THSD4: variants seen among roughly 807,000 people sequenced by gnomAD.
THSD4 encodes thrombospondin type-1 domain-containing protein 4.
THSD4 carries 69 observed loss-of-function variants against 119.0 expected under a neutral mutation model. The observed-to-expected ratio is 0.58, with a 90% CI of 0.48 to 0.71. The LOEUF is 0.71. THSD4 is among the 30% of genes least tolerant of loss of function. The pLI, the probability that THSD4 is intolerant of heterozygous loss-of-function variation, is 0.00. For synonymous variants in THSD4, 524 were observed against 540.4 expected (o/e 0.97, Z 0.42); for missense variants, 1,393 against 1,391.1 (o/e 1.00, Z -0.02).
At chr15:71,373,334 T>G (rs970807225) in intron 6 of THSD4, among the ~76,000 whole-genome samples, 3 of 152,188 alleles carry the variant, frequency 2.0e-5, no homozygotes, top group Non-Finnish European at 4.4e-5. Context: ...ACAGGCAGTT[T>G]TAGTGGCTGT....
intron 3 of THSD4, among the ~76,000 whole-genome samples, chr15:71,209,173 G>A (rs959764427): frequency 1.3e-5 from 2 of 152,188 alleles, no homozygotes; most frequent in Admixed American, 6.5e-5. Context: ...CTTCTGAATG[G>A]TAGTGTACAT....
At chr15:71,309,114 T>C (rs1176995070) in intron 6 of THSD4, among the ~76,000 whole-genome samples, 1 of 152,202 alleles carries the variant, frequency 6.6e-6, no homozygotes, top group Non-Finnish European at 1.5e-5. Flanking sequence ...CATACCCAGC[T>C]AATTTTTTGT....
chr15:71,460,664 TCTTC>T (rs1396485214), intron 7 of THSD4, among the ~76,000 whole-genome samples: 1 of 152,206 alleles, frequency 6.6e-6, no homozygotes, highest in Non-Finnish European at 1.5e-5. Context: ...GGTAGCTGTC[TCTTC>T]AGTGAAAATA....
At chr15:71,109,772 G>C (rs540328973) in intron 1 of THSD4, among the ~76,000 whole-genome samples, 1 of 151,900 alleles carries the variant, frequency 6.6e-6, no homozygotes, top group African/African-American at 2.4e-5. Context: ...GAACACTCTG[G>C]CAGCACTGTC....
At chr15:71,750,635 C>T (rs1461168818) in intron 14 of THSD4, among the ~76,000 whole-genome samples, 1 of 152,198 alleles carries the variant, frequency 6.6e-6, no homozygotes. Context: ...GATGGACAGC[C>T]CTTGGTGCAA....
rs141409686 is a variant in THSD4 at position 71,449,967 on chromosome 15, A to T, written c.1152+38144A>T. ...AGTAGGAAAAGAAACTACTTCCCAT[A>T]TTAAGGTCCTATGACAATGCAAAGA... is the stretch of plus-strand genomic sequence containing the variant. On this transcript the variant is annotated intron_variant, in intron 7 of 17. Coordinates refer to ENST00000261862, the MANE Select transcript of THSD4 (RefSeq NM_024817.3). 7.6e-3 allele frequency among the ~76,000 whole-genome samples: 1,162 copies of T among 152,338 alleles called. 13 individuals carry two copies. Among genetic ancestry groups the T allele is most frequent in the Non-Finnish European group, 0.012 (820 of 68,034 alleles).
At chr15:71,377,115 G>C (rs542482756) in intron 6 of THSD4, among the ~76,000 whole-genome samples, 1 of 152,338 alleles carries the variant, frequency 6.6e-6, no homozygotes, top group African/African-American at 2.4e-5. Context: ...TCCCAGGAGG[G>C]AATCAATGTG....
chr15:71,463,155 C>T lies in THSD4; in HGVS notation c.1152+51332C>T, dbSNP rs570154418. ...CATTCACCTCCATCCAATTCCTTCT[C>T]GCTGGTCCAGCTCATTTTTCCAGCC... On this transcript the variant is annotated intron_variant, in intron 7 of 17. Transcript: ENST00000261862. Among the ~76,000 whole-genome samples the T allele has an allele frequency of 2.6e-5, 4 of 152,284 alleles. No individual in the cohort carries two copies. In the East Asian group the frequency reaches 5.8e-4, roughly 22 times the overall value.
chr15:71,643,255 T>C (rs2050900997), intron 7 of THSD4, among the ~76,000 whole-genome samples: 1 of 152,174 alleles, frequency 6.6e-6, no homozygotes, highest in Non-Finnish European at 1.5e-5. Flanking sequence ...TCCCAACACA[T>C]AAAACAAATT....
intron 3 of THSD4, among the ~76,000 whole-genome samples, chr15:71,190,235 A>G (rs556891716): frequency 6.6e-6 from 1 of 152,332 alleles, no homozygotes; most frequent in Non-Finnish European, 1.5e-5. Flanking sequence ...TAAGCTAGAC[A>G]TTCTAACCGA....
intron 1 of THSD4, among the ~76,000 whole-genome samples, chr15:71,102,013 G>A (rs147982564): frequency 1.4e-3 from 214 of 152,074 alleles, no homozygotes; most frequent in African/African-American, 4.7e-3. Context: ...GTGGAGGGCC[G>A]ATAATTCTTT....
intron 2 of THSD4, 53 bp from the exon 3 acceptor site, chr15:71,154,810 C>T (rs1651088023): frequency 6.3e-7 from 1 of 1,577,380 alleles, no homozygotes; most frequent in Non-Finnish European, 8.7e-7. Context: ...TCCCTGGGTG[C>T]TGCTGCCTGG....
intron 6 of THSD4, among the ~76,000 whole-genome samples, chr15:71,377,772 A>T (rs925527908): frequency 2.0e-5 from 3 of 151,872 alleles, no homozygotes; most frequent in Admixed American, 6.6e-5. Flanking sequence ...TGGGCCTGAG[A>T]ACTTTGTGAT....
At chr15:71,491,395 C>G (rs76472501) in intron 7 of THSD4, among the ~76,000 whole-genome samples, 6,390 of 152,212 alleles carry the variant, frequency 0.042, 222 homozygotes, top group African/African-American at 0.098. Flanking sequence ...AGGATTAGCT[C>G]AGGTCATGAG....
intron 6 of THSD4, among the ~76,000 whole-genome samples, chr15:71,408,662 G>GGCAACAT (rs889096202): frequency 1.5e-4 from 23 of 152,198 alleles, no homozygotes; most frequent in African/African-American, 5.5e-4. Flanking sequence ...GACCACCCTG[G>GGCAACAT]GCAACATGGC....
chr15:71,462,881 G>A (rs2047447255), intron 7 of THSD4, among the ~76,000 whole-genome samples: 1 of 152,188 alleles, frequency 6.6e-6, no homozygotes, highest in South Asian at 2.1e-4. Flanking sequence ...AAGGTACTGT[G>A]CCAGTCCGGA....
chr15:71,744,142 A>C (rs1309343705), intron 11 of THSD4, among the ~76,000 whole-genome samples: 1 of 144,662 alleles, frequency 6.9e-6, no homozygotes, highest in African/African-American at 2.7e-5. Flanking sequence ...GCAGAATTGA[A>C]TCAGCTTTTT....
chr15:71,623,640 C>T (rs759962633), intron 7 of THSD4, among the ~76,000 whole-genome samples: 1 of 151,962 alleles, frequency 6.6e-6, no homozygotes, highest in African/African-American at 2.4e-5. Context: ...ATCAGAGAAT[C>T]GGCCGGAAGC....
intron 4 of THSD4, among the ~76,000 whole-genome samples, chr15:71,216,541 G>A (rs1022558186): frequency 2.0e-5 from 3 of 152,242 alleles, no homozygotes; most frequent in Non-Finnish European, 2.9e-5. Flanking sequence ...GACCATTTCG[G>A]GAAGAAGGGT....
Sources: gnomAD v4.1 joint callset for allele counts (sites outside exome capture counted in the v4.1 genomes callset) on GRCh38, gnomAD v4.1.1 for gene constraint, MANE v1.5 for transcripts, NCBI Gene and HGNC (gene_info 2026-07-23, HGNC 2026-07-21) for gene names.